The following STXBP4 variants were observed in gnomAD, a reference collection of about 807,000 sequenced individuals.
STXBP4 encodes syntaxin-binding protein 4.
In STXBP4, 55 loss-of-function variants were observed where a neutral mutation model predicts 76.1. The observed-to-expected ratio is 0.72, with a 90% CI of 0.58 to 0.91. STXBP4 has a LOEUF of 0.91. Ranked by LOEUF, STXBP4 falls within the 40% of genes least tolerant of loss-of-function variation. The probability of loss-of-function intolerance (pLI) is 0.00; values close to 1 mark genes in which losing one functional copy is unlikely to be tolerated. For synonymous variants in STXBP4, 201 were observed against 220.2 expected, an observed-to-expected ratio of 0.91 and a Z score of 0.77; for missense variants, 618 against 636.9, an observed-to-expected ratio of 0.97 and a Z score of 0.32.
intron 16 of STXBP4, among the ~76,000 whole-genome samples, chr17:55,094,755 A>C (rs938552150): frequency 1.3e-5 from 2 of 152,150 alleles, no homozygotes; most frequent in East Asian, 3.8e-4. Flanking sequence ...AAAGCGCTGA[A>C]ATTCTTTAAT....
chr17:55,194,366 A>T, the STXBP4 span, among the ~76,000 whole-genome samples: 2 of 152,092 alleles, frequency 1.3e-5, no homozygotes, highest in Admixed American at 1.3e-4. Flanking sequence ...TATATATATA[A>T]ATATGAATAT....
At chr17:55,131,540 G>C (rs914200772) in intron 16 of STXBP4, among the ~76,000 whole-genome samples, 1 of 152,144 alleles carries the variant, frequency 6.6e-6, no homozygotes, top group Non-Finnish European at 1.5e-5. Context: ...ACAAGCAAAT[G>C]GTAGTGTCCA....
At chr17:55,018,784 G>C (rs921328916) in intron 8 of STXBP4, among the ~76,000 whole-genome samples, 1 of 152,138 alleles carries the variant, frequency 6.6e-6, no homozygotes, top group Non-Finnish European at 1.5e-5. Flanking sequence ...AAGGGTGGGG[G>C]AGATTATAAA....
At chr17:55,047,059 A>G (rs779593349) in intron 11 of STXBP4, 30 bp from the exon 12 acceptor site, 1 of 1,378,168 alleles carries the variant, frequency 7.3e-7, no homozygotes, top group Non-Finnish European at 1.0e-6. Flanking sequence ...TTTCATAACA[A>G]GTTGTTAATT....
chr17:55,196,346 C>T, the STXBP4 span, among the ~76,000 whole-genome samples: 6 of 152,146 alleles, frequency 3.9e-5, no homozygotes, highest in African/African-American at 1.4e-4. Context: ...ACACCCCATA[C>T]TCCAGCCAGC....
the STXBP4 span, among the ~76,000 whole-genome samples, chr17:55,185,205 T>G: frequency 1.0e-4 from 5 of 48,786 alleles, no homozygotes; most frequent in African/African-American, 5.7e-4. Flanking sequence ...CTTCTTCTTC[T>G]TCTTCTTCTT....
At chr17:54,976,592 A>G (rs1056500113) in intron 1 of STXBP4, among the ~76,000 whole-genome samples, 2 of 152,186 alleles carry the variant, frequency 1.3e-5, no homozygotes, top group Admixed American at 6.5e-5. Flanking sequence ...GTAGCCGTCC[A>G]TGGCCTGTTA....
intron 8 of STXBP4, among the ~76,000 whole-genome samples, chr17:55,023,547 G>A (rs2078352355): frequency 6.6e-6 from 1 of 152,044 alleles, no homozygotes; most frequent in African/African-American, 2.4e-5. Context: ...GACAATTTGT[G>A]GTGTTGTTTT....
At chr17:55,094,402 G>A (rs185106979) in intron 16 of STXBP4, among the ~76,000 whole-genome samples, 1 of 152,296 alleles carries the variant, frequency 6.6e-6, no homozygotes, top group African/African-American at 2.4e-5. Flanking sequence ...AGAGTAGCAA[G>A]AGTGAAGAAA....
intron 12 of STXBP4, among the ~76,000 whole-genome samples, chr17:55,062,909 T>A (rs2079010979): frequency 6.6e-6 from 1 of 152,246 alleles, no homozygotes; most frequent in Non-Finnish European, 1.5e-5. Flanking sequence ...AAAAGATTTT[T>A]AAAAATCTCT....
chr17:55,043,465 T>G (rs1466532387), intron 11 of STXBP4, 140 bp downstream of exon 11: 6 of 771,160 alleles, frequency 7.8e-6, no homozygotes, highest in Non-Finnish European at 1.2e-5. Context: ...AAAATCAGAT[T>G]CTTTATTCAG....
Position 55,128,655 on chromosome 17 carries a change from G to A in STXBP4, c.1490-12655G>A, listed in dbSNP as rs182365063. 3.9e-5 allele frequency among the ~76,000 whole-genome samples: 6 copies of A among 152,086 alleles called. No homozygotes were observed. In the East Asian group the frequency reaches 9.7e-4, roughly 25 times the overall value. On this transcript the variant is annotated intron_variant, in intron 16 of 17. Coordinates refer to ENST00000376352, the MANE Select transcript of STXBP4 (RefSeq NM_178509.6). The stretch of plus-strand genomic sequence containing the variant: ...TTGTTTTGAGGAGTCTCGCTCTGTC[G>A]CCCAGGCTGGAGTGCAATGGCACGA...
Position 55,172,988 on chromosome 17 carries a change from C to T in STXBP4, c.*13077C>T, listed in dbSNP as rs1305153187. The T allele has an allele frequency of 6.6e-6, 1 of 152,228 alleles. No individual in the cohort carries two copies. Among genetic ancestry groups the T allele is most frequent in the Non-Finnish European group, 1.5e-5 (1 of 68,042 alleles). The allele number at this position is 152,228 out of a possible 1,614,324, so 9.4% of individuals were successfully genotyped here. ...TCCAAAACCCCTGCTGGAGCACCTTCTACTTCTAGAAAGATGTTGAGGGGC... is the reference window on the plus strand; with the variant it reads ...TCCAAAACCCCTGCTGGAGCACCTTTTACTTCTAGAAAGATGTTGAGGGGC... On this transcript the variant is annotated 3_prime_UTR_variant, in exon 18 of 18. Transcript: ENST00000376352.
At chr17:55,096,176 A>C (rs2079483993) in intron 16 of STXBP4, among the ~76,000 whole-genome samples, 1 of 151,980 alleles carries the variant, frequency 6.6e-6, no homozygotes, top group Non-Finnish European at 1.5e-5. Flanking sequence ...TTGTGTTTTT[A>C]GACAAGGTTC....
the STXBP4 span, among the ~76,000 whole-genome samples, chr17:55,194,511 C>T: frequency 6.6e-6 from 1 of 152,296 alleles, no homozygotes; most frequent in East Asian, 1.9e-4. Context: ...TATGTGGTTG[C>T]ATGGAACCGG....
chr17:55,155,716 G>A (rs2080270102), intron 17 of STXBP4, among the ~76,000 whole-genome samples: 2 of 151,972 alleles, frequency 1.3e-5, no homozygotes, highest in Non-Finnish European at 2.9e-5. Flanking sequence ...TGCCCTTTTT[G>A]TCATTAAATC....
At chr17:55,123,125 A>T (rs1235886737) in intron 16 of STXBP4, among the ~76,000 whole-genome samples, 2 of 152,264 alleles carry the variant, frequency 1.3e-5, no homozygotes, top group South Asian at 4.1e-4. Flanking sequence ...TCAAAACTTG[A>T]TTTGCCCAGA....
chr17:55,095,053 G>A (rs914687453), intron 16 of STXBP4, among the ~76,000 whole-genome samples: 1 of 152,124 alleles, frequency 6.6e-6, no homozygotes, highest in African/African-American at 2.4e-5. Context: ...CTCACTACAG[G>A]CAGGAATATA....
the STXBP4 span, among the ~76,000 whole-genome samples, chr17:55,192,180 C>T: frequency 1.3e-5 from 2 of 152,048 alleles, no homozygotes; most frequent in Admixed American, 6.6e-5. Context: ...GATAAAAAGA[C>T]AAAGGGACTA....
Sources: gnomAD v4.1 joint callset for allele counts (sites outside exome capture counted in the v4.1 genomes callset) on GRCh38, gnomAD v4.1.1 for gene constraint, MANE v1.5 for transcripts, NCBI Gene and HGNC (gene_info 2026-07-23, HGNC 2026-07-21) for gene names.